Variants in GPC5 observed in about 807,000 individuals in gnomAD.
GPC5 encodes glypican-5.
GPC5 carries 47 observed loss-of-function variants against 53.9 expected under a neutral mutation model. The ratio of observed to expected loss-of-function variants is 0.87; its 90% confidence interval spans 0.69 to 1.11. GPC5 has a LOEUF of 1.11. Ranked by LOEUF, GPC5 falls within the 50% of genes most tolerant of loss-of-function variation. GPC5 has a pLI of 0.00. For missense variants in GPC5, 748 were observed against 713.1 expected, an observed-to-expected ratio of 1.05 and a Z score of -0.56; for synonymous variants, 286 against 263.3, an observed-to-expected ratio of 1.09 and a Z score of -0.84.
At chr13:92,167,039 A>G (rs1248693489) in intron 7 of GPC5, among the ~76,000 whole-genome samples, 3 of 151,692 alleles carry the variant, frequency 2.0e-5, no homozygotes, top group Non-Finnish European at 4.4e-5. Flanking sequence ...TCCTTCTCAA[A>G]TGAGTAATGG....
intron 6 of GPC5, among the ~76,000 whole-genome samples, chr13:92,126,518 C>T (rs2041698725): frequency 6.6e-6 from 1 of 152,040 alleles, no homozygotes; most frequent in Admixed American, 6.6e-5. Flanking sequence ...TGGATCCAGG[C>T]TCAACAAACT....
intron 7 of GPC5, among the ~76,000 whole-genome samples, chr13:92,633,987 T>C (rs1885338620): frequency 6.6e-6 from 1 of 152,120 alleles, no homozygotes; most frequent in Non-Finnish European, 1.5e-5. Context: ...AATTAAGAAA[T>C]GTTAATATTT....
chr13:91,412,122 T>A (rs979446366), intron 1 of GPC5, among the ~76,000 whole-genome samples: 2 of 152,254 alleles, frequency 1.3e-5, no homozygotes, highest in East Asian at 3.8e-4. Context: ...GATGATGTGA[T>A]AGCTTAATCC....
chr13:91,702,610 T>C (rs1165117303), intron 3 of GPC5, among the ~76,000 whole-genome samples: 2 of 152,084 alleles, frequency 1.3e-5, no homozygotes, highest in East Asian at 3.8e-4. Flanking sequence ...CAATATTGCT[T>C]TACTATTTGT....
At chr13:92,070,561 C>A (rs1319445350) in intron 6 of GPC5, among the ~76,000 whole-genome samples, 1 of 152,116 alleles carries the variant, frequency 6.6e-6, no homozygotes, top group Non-Finnish European at 1.5e-5. Flanking sequence ...CTGTAATCCC[C>A]TTTTATAGGA....
Position 92,100,865 on chromosome 13 carries a change from A to G in GPC5, c.1402-43965A>G, listed in dbSNP as rs546486247. 3.5e-4 allele frequency among the ~76,000 whole-genome samples: 53 copies of G among 152,320 alleles called. No individual in the cohort carries two copies. The South Asian group carries it at 0.011, about 30-fold the overall frequency. ...TGCCACTCAAGGAATCTTTATTACT[A>G]TGTCATGCTCCACTTACAGACATAC... On this transcript the variant is annotated intron_variant, in intron 6 of 7. Transcript: ENST00000377067.
intron 7 of GPC5, among the ~76,000 whole-genome samples, chr13:92,767,349 T>C (rs1168303770): frequency 6.6e-6 from 1 of 152,054 alleles, no homozygotes; most frequent in Non-Finnish European, 1.5e-5. Flanking sequence ...CATGCACCTG[T>C]AATCCCAGCT....
At chr13:91,667,723 T>C (rs2035149743) in intron 2 of GPC5, among the ~76,000 whole-genome samples, 1 of 152,208 alleles carries the variant, frequency 6.6e-6, no homozygotes, top group South Asian at 2.1e-4. Flanking sequence ...GGTTCAGGTC[T>C]GGGTGGGAGA....
At chr13:92,419,320 C>G (rs1256366381) in intron 7 of GPC5, among the ~76,000 whole-genome samples, 1 of 151,974 alleles carries the variant, frequency 6.6e-6, no homozygotes, top group Non-Finnish European at 1.5e-5. Flanking sequence ...ATTGCTTATT[C>G]TGGTCATAGC....
intron 7 of GPC5, among the ~76,000 whole-genome samples, chr13:92,679,120 T>C (rs1467180768): frequency 6.6e-6 from 1 of 152,144 alleles, no homozygotes; most frequent in East Asian, 1.9e-4. Flanking sequence ...CATAGAAAAT[T>C]TGATCATTAG....
intron 7 of GPC5, among the ~76,000 whole-genome samples, chr13:92,561,269 A>G (rs1882686713): frequency 6.6e-6 from 1 of 152,016 alleles, no homozygotes; most frequent in African/African-American, 2.4e-5. Context: ...GATAATGTAA[A>G]TATGAAGAAT....
chr13:92,221,350 T>A (rs1220215809), intron 7 of GPC5, among the ~76,000 whole-genome samples: 1 of 152,214 alleles, frequency 6.6e-6, no homozygotes, highest in Non-Finnish European at 1.5e-5. Context: ...GTGTATGGTG[T>A]TGATGCTAAG....
chr13:92,148,359 C>A (rs2041883376), intron 7 of GPC5, among the ~76,000 whole-genome samples: 2 of 152,008 alleles, frequency 1.3e-5, no homozygotes, highest in Admixed American at 6.6e-5. Flanking sequence ...AGTTTTACCA[C>A]CAAAATATTT....
chr13:92,046,385 C>T (rs998881378), intron 6 of GPC5, among the ~76,000 whole-genome samples: 2 of 152,126 alleles, frequency 1.3e-5, no homozygotes, highest in Non-Finnish European at 2.9e-5. Context: ...AGTCCTTACA[C>T]TGAATGTTTT....
intron 7 of GPC5, among the ~76,000 whole-genome samples, chr13:92,174,560 C>A (rs976844556): frequency 1.2e-4 from 18 of 149,378 alleles, no homozygotes; most frequent in Admixed American, 8.7e-4. Context: ...ACAAAAACAA[C>A]AACAACAACA....
rs147821155 is a variant in GPC5 at position 91,487,374 on chromosome 13, G to A, written c.325+38452G>A. ...AGAATTTTCTTTGGAATTTCAATGC[G>A]CCTCAGAGACAGACATTATCCTGTG... is the stretch of plus-strand genomic sequence containing the variant. On this transcript the variant is annotated intron_variant, in intron 2 of 7. Transcript: ENST00000377067. Among the ~76,000 whole-genome samples, 863 of 152,218 alleles carry A rather than the reference G, an allele frequency of 5.7e-3. 8 individuals carry two copies. Among genetic ancestry groups the A allele is most frequent in the African/African-American group, 0.019 (769 of 41,532 alleles).
At chr13:92,478,720 T>C (rs1879240125) in intron 7 of GPC5, among the ~76,000 whole-genome samples, 1 of 152,162 alleles carries the variant, frequency 6.6e-6, no homozygotes, top group Non-Finnish European at 1.5e-5. Context: ...ACCTCTGCTG[T>C]GATACTCAGC....
intron 7 of GPC5, among the ~76,000 whole-genome samples, chr13:92,624,774 G>C (rs1433286571): frequency 6.6e-6 from 1 of 152,192 alleles, no homozygotes. Flanking sequence ...TCTGCGGGGA[G>C]ACATAACACA....
chr13:91,878,951 A>G (rs2039234465), intron 5 of GPC5, among the ~76,000 whole-genome samples: 1 of 152,186 alleles, frequency 6.6e-6, no homozygotes. Flanking sequence ...TCTGTGATAA[A>G]CAGCCTAAGA....
Sources: allele counts gnomAD v4.1 joint callset (sites outside exome capture counted in the v4.1 genomes callset), GRCh38; gene constraint gnomAD v4.1.1; transcripts MANE v1.5; gene names NCBI Gene and HGNC (gene_info 2026-07-23, HGNC 2026-07-21).